Variants in HFM1 observed in about 807,000 individuals in gnomAD.
HFM1 encodes helicase for meiosis 1.
A neutral mutation model predicts 192.1 loss-of-function variants in HFM1; 169 were observed. That is an observed-to-expected ratio of 0.88 (90% CI 0.78 to 1.00). The LOEUF (loss-of-function observed/expected upper bound fraction) is 1.00. Among genes scored for constraint, HFM1 ranks in the 50% least tolerant of loss-of-function variants. The pLI is 0.00. For missense variants in HFM1, 1,661 were observed against 1,668.0 expected (o/e 1.00, Z 0.07); for synonymous variants, 525 against 537.8 (o/e 0.98, Z 0.33).
At chr1:91,274,480 G>A (rs1479028253) in intron 33 of HFM1, among the ~76,000 whole-genome samples, 3 of 152,054 alleles carry the variant, frequency 2.0e-5, no homozygotes, top group Admixed American at 6.6e-5. Context: ...CTAAGGGAAT[G>A]ACAGAGGATA....
At chr1:91,279,175 T>C (rs1303706726) in intron 30 of HFM1, among the ~76,000 whole-genome samples, 1 of 152,132 alleles carries the variant, frequency 6.6e-6, no homozygotes, top group East Asian at 1.9e-4. Flanking sequence ...TGAAATCCTA[T>C]AAGAAAATCC....
At chr1:91,306,602 A>G (rs1649650627) in intron 30 of HFM1, among the ~76,000 whole-genome samples, 1 of 152,200 alleles carries the variant, frequency 6.6e-6, no homozygotes, top group Admixed American at 6.5e-5. Flanking sequence ...ATATTTCATT[A>G]AAGACTTTTG....
At chr1:91,391,990 G>A (rs1313077364) in intron 4 of HFM1, among the ~76,000 whole-genome samples, 2 of 152,114 alleles carry the variant, frequency 1.3e-5, no homozygotes, top group African/African-American at 4.8e-5. Context: ...ACAGACACAT[G>A]AAAAAATGCT....
chr1:91,370,141 A>C (rs552517781), intron 13 of HFM1, among the ~76,000 whole-genome samples: 397 of 152,340 alleles, frequency 2.6e-3, no homozygotes, highest in African/African-American at 8.9e-3. Context: ...ATGGATTCAC[A>C]GCCGAATTCT....
At chr1:91,267,923 G>A in intron 34 of HFM1, 68 bp from the exon 35 acceptor site, 1 of 822,662 alleles carries the variant, frequency 1.2e-6, no homozygotes, top group Non-Finnish European at 2.0e-6. Flanking sequence ...TAAGATTTCT[G>A]TTGAAGAACA....
intron 3 of HFM1, 119 bp downstream of exon 3, chr1:91,396,174 C>A: frequency 2.1e-6 from 1 of 480,562 alleles, no homozygotes; most frequent in East Asian, 3.3e-5. Flanking sequence ...ATTTTGGGGG[C>A]ATATGCATTA....
Position 91,262,521 on chromosome 1 carries a change from G to A in HFM1, c.4046C>T (p.Ser1349Phe), listed in dbSNP as rs980029659. The A allele has an allele frequency of 1.2e-6, 2 of 1,607,524 alleles. No homozygotes were observed. Among genetic ancestry groups the A allele is most frequent in the African/African-American group, 2.7e-5 (2 of 74,802 alleles). Residue 1349 changes from serine to phenylalanine, a missense_variant, in exon 37 of 39, where the codon TCC becomes TTC. By Grantham distance (155) the Ser-to-Phe change is radical. Transcript: ENST00000370425. ...GGCTTGTTGAGGTAATTTTGTCATG[G>A]AGGATGCACTGAACTTGGGCATAGC... ...NSAMPKFSASSMTKLPQQAGN... is the reference protein window; with the variant it reads ...NSAMPKFSASFMTKLPQQAGN...
chr1:91,376,855 A>G (rs940412248), intron 11 of HFM1, among the ~76,000 whole-genome samples: 2 of 151,876 alleles, frequency 1.3e-5, no homozygotes, highest in African/African-American at 4.8e-5. Context: ...CATTTATTGA[A>G]AGAAGCACTT....
intron 30 of HFM1, among the ~76,000 whole-genome samples, chr1:91,281,414 CT>C (rs928945251): frequency 5.3e-5 from 8 of 152,144 alleles, no homozygotes; most frequent in African/African-American, 1.2e-4. Flanking sequence ...TTATTCCCCC[CT>C]CATCAATGCC....
intron 30 of HFM1, among the ~76,000 whole-genome samples, chr1:91,282,251 G>T (rs1053193885): frequency 1.3e-5 from 2 of 151,992 alleles, no homozygotes; most frequent in African/African-American, 2.4e-5. Context: ...CATTGAGAAG[G>T]TATTGACTTT....
At chr1:91,291,887 G>C (rs371746005) in intron 30 of HFM1, among the ~76,000 whole-genome samples, 3 of 152,120 alleles carry the variant, frequency 2.0e-5, no homozygotes, top group Admixed American at 6.5e-5. Flanking sequence ...GGGATGCAAG[G>C]CTGGTTCAAT....
intron 1 of HFM1, 58 bp from the exon 2 acceptor site, chr1:91,401,167 T>C (rs1362366393): frequency 2.7e-6 from 2 of 754,380 alleles, no homozygotes; most frequent in African/African-American, 3.8e-5. Context: ...AAAAAATATT[T>C]CTGTATAATC....
chr1:91,285,227 G>A lies in HFM1; in HGVS notation c.3392-8165C>T, dbSNP rs576862087. The stretch of plus-strand genomic sequence containing the variant: ...TGTCTTTATCAGCAGCATGAAAACG[G>A]ACTAATATAAGTTGTAGAAAGCATG... On this transcript the variant is annotated intron_variant, in intron 30 of 38. Coordinates refer to ENST00000370425, the MANE Select transcript of HFM1 (RefSeq NM_001017975.6). Among the ~76,000 whole-genome samples the A allele has an allele frequency of 6.6e-5, 10 of 152,122 alleles. No individual in the cohort carries two copies. In the South Asian group the frequency reaches 2.1e-3, roughly 32 times the overall value.
chr1:91,313,646 T>C (rs204304), intron 29 of HFM1, 151 bp from the exon 30 acceptor site: 188,203 of 443,342 alleles, frequency 0.42, 42,137 homozygotes, highest in African/African-American at 0.63. Context: ...TTAAAAAATA[T>C]GACAACTAAA....
At chr1:91,340,139 G>A (rs571993034) in intron 20 of HFM1, among the ~76,000 whole-genome samples, 46 of 152,132 alleles carry the variant, frequency 3.0e-4, no homozygotes, top group Non-Finnish European at 5.1e-4. Flanking sequence ...CTAAGTAGCC[G>A]GGACTATAGA....
chr1:91,391,648 C>T (rs1183953557), intron 4 of HFM1, among the ~76,000 whole-genome samples: 1 of 152,140 alleles, frequency 6.6e-6, no homozygotes, highest in African/African-American at 2.4e-5. Flanking sequence ...CATAAAAACC[C>T]TAGAAGAAAA....
chr1:91,396,437 G>C, intron 2 of HFM1, 32 bp from the exon 3 acceptor site: 5 of 1,083,968 alleles, frequency 4.6e-6, no homozygotes, highest in Non-Finnish European at 6.8e-6. Flanking sequence ...GAGTATATAT[G>C]TTAATAAAGA....
chr1:91,262,248 C>A lies in HFM1; in HGVS notation c.4231G>T (p.Asp1411Tyr). ...TCTTTAAAGAGTTCTTACCTGAAATCAACTTCCTTTTTACATTCACTGTTT... is the reference window on the plus strand; with the variant it reads ...TCTTTAAAGAGTTCTTACCTGAAATAAACTTCCTTTTTACATTCACTGTTT... ...IRNSECKKEV[D>Y]FSMYHPDDEA... The change falls in exon 38 of 39, where the codon GAT becomes TAT. Residue 1411 changes from aspartate to tyrosine, a missense_variant. Transcript: ENST00000370425. 1 of 1,352,526 alleles carries A rather than the reference C, an allele frequency of 7.4e-7. No homozygotes were observed. The highest frequency in any genetic ancestry group is 1.0e-6 in the Non-Finnish European group (1 of 977,348). The allele number at this position is 1,352,526 out of a possible 1,614,324, so 83.8% of individuals were successfully genotyped here.
At position 91,374,386 on chromosome 1, in the gene HFM1, T is replaced by C. The variant is rs150944341; in HGVS notation, c.1685+972A>G. 1.7e-3 allele frequency among the ~76,000 whole-genome samples: 260 copies of C among 152,144 alleles called. 1 individual carries two copies. The highest frequency in any genetic ancestry group is 5.8e-3 in the African/African-American group (243 of 41,544). On this transcript the variant is annotated intron_variant, in intron 13 of 38. Coordinates refer to ENST00000370425, the MANE Select transcript of HFM1 (RefSeq NM_001017975.6). ...TTGCAATCTTACACAATCTATGCTATGTAGAGAATAAAGCTGGATAAGAGA... is the reference window on the plus strand; with the variant it reads ...TTGCAATCTTACACAATCTATGCTACGTAGAGAATAAAGCTGGATAAGAGA...
Sources: gnomAD v4.1 joint callset for allele counts (sites outside exome capture counted in the v4.1 genomes callset) on GRCh38, gnomAD v4.1.1 for gene constraint, MANE v1.5 for transcripts, NCBI Gene and HGNC (gene_info 2026-07-23, HGNC 2026-07-21) for gene names.